PSD3: variants seen among roughly 807,000 people sequenced by gnomAD.
PSD3 encodes the protein pleckstrin and Sec7 domain containing 3, also known as PH and SEC7 domain-containing protein 3.
PSD3 carries 49 observed loss-of-function variants against 105.5 expected under a neutral mutation model. The observed-to-expected ratio is 0.46, with a 90% CI of 0.37 to 0.59. PSD3 has a LOEUF of 0.59. PSD3 is among the 20% of genes least tolerant of loss of function. The probability of loss-of-function intolerance (pLI) is 0.00; values close to 1 mark genes in which losing one functional copy is unlikely to be tolerated. For synonymous variants in PSD3, 557 were observed against 457.8 expected (o/e 1.22, Z -2.77); for missense variants, 1,561 against 1,263.8 (o/e 1.24, Z -3.57).
chr8:18,652,002 T>C lies in PSD3; in HGVS notation c.2216+3640A>G, dbSNP rs144832138. ...TATAAATGCCTGAAAAACAAAAGAA[T>C]GGCAGGAGTGAAGAGGAAAGATGCT... On this transcript the variant is annotated intron_variant, in intron 10 of 15. Coordinates refer to ENST00000327040, the MANE Select transcript of PSD3 (RefSeq NM_015310.4). Among the ~76,000 whole-genome samples the C allele has an allele frequency of 5.1e-3, 777 of 152,172 alleles. 11 individuals are homozygous for C. The highest frequency in any genetic ancestry group is 0.018 in the African/African-American group (744 of 41,530).
intron 2 of PSD3, among the ~76,000 whole-genome samples, chr8:18,913,888 T>A (rs1820406850): frequency 2.6e-5 from 4 of 151,610 alleles, no homozygotes; most frequent in Admixed American, 2.6e-4. Context: ...ACCCTATTGA[T>A]CCAGGTACCA....
intron 10 of PSD3, among the ~76,000 whole-genome samples, chr8:18,635,632 C>T (rs573281293): frequency 6.6e-5 from 10 of 152,140 alleles, no homozygotes; most frequent in African/African-American, 2.4e-4. Flanking sequence ...TTGGAACCAA[C>T]CCAAATGCCC....
intron 1 of PSD3, among the ~76,000 whole-genome samples, chr8:18,940,623 T>C (rs1220295521): frequency 1.3e-5 from 2 of 152,214 alleles, no homozygotes; most frequent in Non-Finnish European, 1.5e-5. Context: ...GAAACTAACA[T>C]GCCATGTTGA....
intron 12 of PSD3, among the ~76,000 whole-genome samples, chr8:18,583,209 C>T (rs897406538): frequency 6.6e-6 from 1 of 152,110 alleles, no homozygotes; most frequent in African/African-American, 2.4e-5. Flanking sequence ...GAGGTCAAGG[C>T]AGGAGGATCG....
intron 8 of PSD3, among the ~76,000 whole-genome samples, chr8:18,798,113 G>A (rs1001503156): frequency 6.6e-6 from 1 of 152,106 alleles, no homozygotes; most frequent in Non-Finnish European, 1.5e-5. Flanking sequence ...ATTAGATTGC[G>A]GTAGTCATGT....
chr8:18,980,622 G>T (rs956986822), intron 1 of PSD3, among the ~76,000 whole-genome samples: 10 of 151,438 alleles, frequency 6.6e-5, no homozygotes. Context: ...CTCCTTTCTT[G>T]CCTCTTTTTG....
chr8:18,642,960 T>C (rs1807763335), intron 10 of PSD3, among the ~76,000 whole-genome samples: 1 of 152,220 alleles, frequency 6.6e-6, no homozygotes, highest in Non-Finnish European at 1.5e-5. Context: ...TGAGCTCAGA[T>C]TAAGTATGAG....
chr8:18,591,735 G>A (rs1451780819), intron 12 of PSD3, among the ~76,000 whole-genome samples: 1 of 152,162 alleles, frequency 6.6e-6, no homozygotes, highest in East Asian at 1.9e-4. Context: ...GGCTATCTGA[G>A]GGAGTGGTAT....
chr8:18,957,513 A>G (rs967462738), intron 1 of PSD3, among the ~76,000 whole-genome samples: 1 of 131,864 alleles, frequency 7.6e-6, no homozygotes, highest in Non-Finnish European at 1.6e-5. Context: ...TCCACATCTC[A>G]TCCATCTCTG....
chr8:18,848,229 C>T (rs1271736714), intron 4 of PSD3, among the ~76,000 whole-genome samples: 1 of 152,168 alleles, frequency 6.6e-6, no homozygotes, highest in Non-Finnish European at 1.5e-5. Flanking sequence ...TGTACAGTTA[C>T]ATCAGACAGT....
intron 2 of PSD3, among the ~76,000 whole-genome samples, chr8:18,907,658 A>G (rs1475442567): frequency 6.6e-6 from 1 of 152,202 alleles, no homozygotes; most frequent in African/African-American, 2.4e-5. Context: ...ATACCATATA[A>G]TCTAGGTTTC....
At chr8:19,008,184 G>C (rs1043767476) in intron 1 of PSD3, among the ~76,000 whole-genome samples, 1 of 152,204 alleles carries the variant, frequency 6.6e-6, no homozygotes, top group African/African-American at 2.4e-5. Flanking sequence ...TCAGCGGGTG[G>C]GGAAGGTGGC....
intron 2 of PSD3, among the ~76,000 whole-genome samples, chr8:18,901,488 T>C (rs1819499794): frequency 6.6e-6 from 1 of 152,224 alleles, no homozygotes; most frequent in African/African-American, 2.4e-5. Context: ...TGAAGTTGTT[T>C]GTATATCCTT....
intron 15 of PSD3, among the ~76,000 whole-genome samples, chr8:18,545,839 AATGC>A: frequency 6.6e-6 from 1 of 152,214 alleles, no homozygotes; most frequent in East Asian, 1.9e-4. Flanking sequence ...CAAAAGGGCT[AATGC>A]CAGTCTTAAT....
chr8:18,973,369 G>T (rs1224528859), intron 1 of PSD3, among the ~76,000 whole-genome samples: 1 of 152,300 alleles, frequency 6.6e-6, no homozygotes, highest in East Asian at 1.9e-4. Context: ...CTGAAGGCTG[G>T]AAGTCCAAGA....
intron 2 of PSD3, among the ~76,000 whole-genome samples, chr8:18,873,484 C>A (rs1563372585): frequency 2.0e-5 from 3 of 151,860 alleles, no homozygotes; most frequent in Non-Finnish European, 4.4e-5. Context: ...TAGTATACAA[C>A]ATAATGTTTA....
At chr8:19,011,636 T>A (rs74886569) in intron 1 of PSD3, among the ~76,000 whole-genome samples, 2,413 of 152,300 alleles carry the variant, frequency 0.016, 63 homozygotes, top group African/African-American at 0.055. Context: ...AAAAGCAGAA[T>A]TGAATTGCTT....
rs183681586 is a variant in PSD3 at position 18,777,634 on chromosome 8, C to T, written c.2083-12096G>A. Among the ~76,000 whole-genome samples the T allele has an allele frequency of 1.9e-3, 293 of 152,172 alleles. 4 individuals carry two copies. The highest frequency in any genetic ancestry group is 2.1e-4 in the Non-Finnish European group (14 of 68,002). On this transcript the variant is annotated intron_variant, in intron 8 of 15. Coordinates refer to ENST00000327040, the MANE Select transcript of PSD3 (RefSeq NM_015310.4). ...TAATCAAATCAGGATATTTTGGATACCCATCACTTCAAACATTTACTACAT... is the reference window on the plus strand; with the variant it reads ...TAATCAAATCAGGATATTTTGGATATCCATCACTTCAAACATTTACTACAT...
At position 18,698,365 on chromosome 8, in the gene PSD3, T is replaced by G. The variant is rs143384759; in HGVS notation, c.2173-42680A>C. Among the ~76,000 whole-genome samples, 1,440 of 152,284 alleles carry G rather than the reference T, an allele frequency of 9.5e-3. 24 individuals carry two copies. Among genetic ancestry groups the G allele is most frequent in the African/African-American group, 0.033 (1,356 of 41,538 alleles). On this transcript the variant is annotated intron_variant, in intron 9 of 15. Coordinates refer to ENST00000327040, the MANE Select transcript of PSD3 (RefSeq NM_015310.4). ...AACTCCTGGGCTCAAGTGATCCTCC[T>G]GCCTTGGCCTCCCGAAGTGCTAAGA... is the stretch of plus-strand genomic sequence containing the variant.
Sources: allele counts gnomAD v4.1 joint callset (sites outside exome capture counted in the v4.1 genomes callset), GRCh38; gene constraint gnomAD v4.1.1; transcripts MANE v1.5; gene names NCBI Gene and HGNC (gene_info 2026-07-23, HGNC 2026-07-21).